Variants in CCDC138 observed in about 807,000 individuals in gnomAD.
CCDC138 encodes coiled-coil domain-containing protein 138.
Under a neutral mutation model 82.3 loss-of-function variants are expected in CCDC138, and 66 were observed. The observed-to-expected ratio is 0.80, with a 90% confidence interval of 0.66 to 0.98. CCDC138 has a LOEUF of 0.98. Among genes scored for constraint, CCDC138 ranks in the 50% least tolerant of loss-of-function variants. CCDC138 has a pLI of 0.00. For missense variants in CCDC138, 816 were observed against 758.9 expected, an observed-to-expected ratio of 1.08 and a Z score of -0.88; for synonymous variants, 297 against 265.4, an observed-to-expected ratio of 1.12 and a Z score of -1.16.
intron 10 of CCDC138, among the ~76,000 whole-genome samples, chr2:108,834,851 A>G (rs1280071813): frequency 3.3e-5 from 5 of 152,342 alleles, no homozygotes; most frequent in East Asian, 3.9e-4. Flanking sequence ...GGCACCACAG[A>G]CAGGCATATG....
At chr2:108,884,557 T>A (rs1475094357) in intron 2 of CCDC138, 2 of 152,176 alleles carry the variant, frequency 1.3e-5, no homozygotes, top group Non-Finnish European at 2.9e-5. Flanking sequence ...TTTTTGCTTG[T>A]TTCTTTGTGG....
rs533401981 is a variant in CCDC138 at position 108,864,165 on chromosome 2, A to G, written c.1693+7195A>G. On this transcript the variant is annotated intron_variant, in intron 13 of 14. Transcript: ENST00000295124. The stretch of plus-strand genomic sequence containing the variant: ...AGGAAACCCATTCTCATATTTTGTG[A>G]AAAAAAAACAAAACATTGCATATGA... 1.3e-4 allele frequency among the ~76,000 whole-genome samples: 20 copies of G among 150,496 alleles called. 1 individual carries two copies. The South Asian group carries it at 3.2e-3, about 24-fold the overall frequency.
At chr2:108,830,077 T>G (rs980555299) in intron 10 of CCDC138, among the ~76,000 whole-genome samples, 3 of 152,168 alleles carry the variant, frequency 2.0e-5, no homozygotes, top group Admixed American at 6.5e-5. Context: ...TACACAAGAC[T>G]ATTATTCAGG....
intron 14 of CCDC138, among the ~76,000 whole-genome samples, chr2:108,874,318 T>C (rs1447516349): frequency 6.6e-6 from 1 of 152,170 alleles, no homozygotes; most frequent in Non-Finnish European, 1.5e-5. Flanking sequence ...TAATTTGGAT[T>C]TTTTTATGAG....
chr2:108,844,303 T>C (rs576345047), intron 11 of CCDC138, among the ~76,000 whole-genome samples: 1 of 152,312 alleles, frequency 6.6e-6, no homozygotes, highest in East Asian at 1.9e-4. Flanking sequence ...GTTGGGTGTT[T>C]TCTGTTGTTT....
intron 10 of CCDC138, among the ~76,000 whole-genome samples, chr2:108,834,638 A>G (rs986558805): frequency 2.0e-5 from 3 of 152,242 alleles, no homozygotes; most frequent in African/African-American, 7.2e-5. Context: ...CCATTTATAA[A>G]TGTACAATTT....
intron 7 of CCDC138, among the ~76,000 whole-genome samples, chr2:108,809,881 C>T (rs114596156): frequency 0.028 from 4,197 of 152,298 alleles, 74 homozygotes; most frequent in Middle Eastern, 0.082. Flanking sequence ...TATCTGCTCA[C>T]TGCAACCTCC....
chr2:108,813,248 C>CA (rs371435296), intron 9 of CCDC138, among the ~76,000 whole-genome samples: 2,391 of 63,460 alleles, frequency 0.038, 353 homozygotes, highest in African/African-American at 0.055. Flanking sequence ...GACTCCGTCT[C>CA]AAAAAAAAAA....
intron 12 of CCDC138, among the ~76,000 whole-genome samples, chr2:108,849,833 A>G (rs1391496858): frequency 6.6e-6 from 1 of 152,236 alleles, no homozygotes; most frequent in East Asian, 1.9e-4. Flanking sequence ...GCCAAGGTAC[A>G]TGCTGCTGCC....
intron 1 of CCDC138, among the ~76,000 whole-genome samples, chr2:108,787,374 C>T (rs1291381116): frequency 6.6e-6 from 1 of 152,226 alleles, no homozygotes; most frequent in African/African-American, 2.4e-5. Context: ...CCTTCCCTCC[C>T]TACAAACGCA....
Position 108,796,215 on chromosome 2 carries a change from A to AT in CCDC138, c.576+1506dup, listed in dbSNP as rs1043150011. 2.1e-3 allele frequency among the ~76,000 whole-genome samples: 299 copies of AT among 144,860 alleles called. 1 individual carries two copies. The highest frequency in any genetic ancestry group is 7.2e-3 in the Middle Eastern group (2 of 278). Reference sequence around the variant, plus strand: ...AGGCACCTGCCACCGCGCCCGGCTAATTTTTTTTTTTTGTATTTTTAGTAG... The same window carrying AT: ...AGGCACCTGCCACCGCGCCCGGCTAATTTTTTTTTTTTTGTATTTTTAGTAG... On this transcript the variant is annotated intron_variant, in intron 5 of 14. Transcript: ENST00000295124.
At chr2:108,820,682 A>G (rs1685528732) in intron 10 of CCDC138, among the ~76,000 whole-genome samples, 1 of 144,760 alleles carries the variant, frequency 6.9e-6, no homozygotes, top group Non-Finnish European at 1.5e-5. Context: ...AGGCAGTGGG[A>G]TGATACATTC....
At chr2:108,880,074 A>G (rs1334813024), downstream of CCDC138, among the ~76,000 whole-genome samples, 3 of 152,186 alleles carry the variant, frequency 2.0e-5, no homozygotes, top group Non-Finnish European at 1.5e-5. Flanking sequence ...AATCCAAAGC[A>G]AAAGAAAACA....
At chr2:108,839,446 A>G (rs1435266198) in intron 11 of CCDC138, 145 bp downstream of exon 11, 6 of 638,158 alleles carry the variant, frequency 9.4e-6, no homozygotes, top group Non-Finnish European at 1.0e-5. Context: ...TTTTGATAGG[A>G]ATTGTGTTAA....
At chr2:108,795,760 G>C (rs1680759969) in intron 5 of CCDC138, among the ~76,000 whole-genome samples, 1 of 152,184 alleles carries the variant, frequency 6.6e-6, no homozygotes, top group Non-Finnish European at 1.5e-5. Context: ...TTGGAAATGA[G>C]AGGTGTTCTG....
rs1297422610 is a variant in CCDC138 at position 108,876,286 on chromosome 2, G to A, written c.*33G>A. The A allele has an allele frequency of 8.0e-7, 1 of 1,243,958 alleles. No homozygotes were observed. Among genetic ancestry groups the A allele is most frequent in the Non-Finnish European group, 1.1e-6 (1 of 906,656 alleles). The allele number at this position is 1,243,958 out of a possible 1,614,324, so 77.1% of individuals were successfully genotyped here. On this transcript the variant is annotated 3_prime_UTR_variant, in exon 15 of 15. Transcript: ENST00000295124. ...AATTTTTTAATATAGTATATGTGGT[G>A]CTTATTTATAAACATGTAGAAATTA...
intron 14 of CCDC138, among the ~76,000 whole-genome samples, chr2:108,874,802 A>G (rs1326603858): frequency 6.6e-6 from 1 of 152,092 alleles, no homozygotes; most frequent in Non-Finnish European, 1.5e-5. Flanking sequence ...TGCAGACTAT[A>G]CCGTGATTCT....
At chr2:108,816,373 T>C (rs1311654840) in intron 10 of CCDC138, among the ~76,000 whole-genome samples, 2 of 151,978 alleles carry the variant, frequency 1.3e-5, no homozygotes, top group Non-Finnish European at 2.9e-5. Context: ...AACGCTTGAA[T>C]CTGGGAGGTG....
At chr2:108,827,162 T>C (rs1246325470) in intron 10 of CCDC138, among the ~76,000 whole-genome samples, 3 of 152,120 alleles carry the variant, frequency 2.0e-5, no homozygotes, top group Admixed American at 6.5e-5. Flanking sequence ...GAATGAAATG[T>C]TTAGCATTGA....
Sources: gnomAD v4.1 joint callset for allele counts (sites outside exome capture counted in the v4.1 genomes callset) on GRCh38, gnomAD v4.1.1 for gene constraint, MANE v1.5 for transcripts, NCBI Gene and HGNC (gene_info 2026-07-23, HGNC 2026-07-21) for gene names.